Variants in CPPED1 observed in about 807,000 individuals in gnomAD.
The protein encoded by CPPED1 is calcineurin like phosphoesterase domain containing 1.
A neutral mutation model predicts 28.0 loss-of-function variants in CPPED1; 28 were observed. The ratio of observed to expected loss-of-function variants is 1.00; its 90% CI spans 0.74 to 1.37. CPPED1 has a LOEUF of 1.37. Among genes scored for constraint, CPPED1 ranks in the 40% most tolerant of loss-of-function variants. The pLI, the probability that CPPED1 is intolerant of heterozygous loss-of-function variation, is 0.00. For missense variants in CPPED1, 504 were observed against 416.5 expected (o/e 1.21, Z -1.83); for synonymous variants, 198 against 180.2 (o/e 1.10, Z -0.79).
intron 3 of CPPED1, among the ~76,000 whole-genome samples, chr16:12,699,515 C>A (rs1201817666): frequency 1.3e-5 from 2 of 152,098 alleles, no homozygotes; most frequent in Non-Finnish European, 2.9e-5. Context: ...ATTAATGCAA[C>A]AATGAGAGAT....
At chr16:12,750,575 A>G (rs548361895) in intron 2 of CPPED1, among the ~76,000 whole-genome samples, 79 of 152,344 alleles carry the variant, frequency 5.2e-4, no homozygotes, top group Non-Finnish European at 9.7e-4. Flanking sequence ...CACACCATCA[A>G]AGATCACCGA....
At chr16:12,690,849 G>C (rs953279970) in intron 3 of CPPED1, among the ~76,000 whole-genome samples, 2 of 152,136 alleles carry the variant, frequency 1.3e-5, no homozygotes, top group African/African-American at 4.8e-5. Context: ...ACCCTCACTT[G>C]GCAGATCCCT....
chr16:12,669,890 G>A (rs1460756478), intron 3 of CPPED1, among the ~76,000 whole-genome samples: 3 of 152,194 alleles, frequency 2.0e-5, no homozygotes, highest in East Asian at 3.9e-4. Context: ...ACCCTGCAAC[G>A]ATGGGGTATG....
At chr16:12,772,677 C>T (rs768619831) in intron 2 of CPPED1, among the ~76,000 whole-genome samples, 15 of 152,256 alleles carry the variant, frequency 9.9e-5, no homozygotes, top group African/African-American at 1.7e-4. Flanking sequence ...AATGGATGTG[C>T]GAAAGTTAAC....
At chr16:12,782,164 T>C (rs2080535672) in intron 1 of CPPED1, among the ~76,000 whole-genome samples, 1 of 152,106 alleles carries the variant, frequency 6.6e-6, no homozygotes, top group Non-Finnish European at 1.5e-5. Context: ...TTAGGGTTTC[T>C]ACTCTTATCT....
chr16:12,803,357 G>C (rs968930466), intron 1 of CPPED1, among the ~76,000 whole-genome samples: 2 of 152,226 alleles, frequency 1.3e-5, no homozygotes, highest in South Asian at 4.1e-4. Flanking sequence ...TTTCACAGAT[G>C]TGGAAGCTGA....
intron 2 of CPPED1, among the ~76,000 whole-genome samples, chr16:12,742,875 C>T (rs1297156435): frequency 6.6e-6 from 1 of 152,160 alleles, no homozygotes; most frequent in African/African-American, 2.4e-5. Flanking sequence ...AGCAAAGGGA[C>T]TGGAGGCGTG....
chr16:12,678,159 A>T (rs1011008394), intron 3 of CPPED1, among the ~76,000 whole-genome samples: 17 of 152,248 alleles, frequency 1.1e-4, no homozygotes, highest in Admixed American at 9.2e-4. Context: ...GTGACAACAA[A>T]GGAAAGAGTA....
intron 2 of CPPED1, among the ~76,000 whole-genome samples, chr16:12,769,403 G>T (rs543818715): frequency 6.6e-6 from 1 of 152,168 alleles, no homozygotes; most frequent in East Asian, 1.9e-4. Flanking sequence ...GGAATCCGAG[G>T]CACAAAATGG....
chr16:12,723,762 C>G (rs1161781802), intron 2 of CPPED1, among the ~76,000 whole-genome samples: 1 of 152,186 alleles, frequency 6.6e-6, no homozygotes, highest in African/African-American at 2.4e-5. Flanking sequence ...TCCTGATGCT[C>G]TGGGAGAAGG....
chr16:12,733,116 C>T (rs928379460), intron 2 of CPPED1, among the ~76,000 whole-genome samples: 1 of 152,144 alleles, frequency 6.6e-6, no homozygotes, highest in Admixed American at 6.5e-5. Flanking sequence ...AATTAGCACT[C>T]TTCAAAAACT....
chr16:12,794,521 C>G (rs1189132614), intron 1 of CPPED1, among the ~76,000 whole-genome samples: 1 of 141,606 alleles, frequency 7.1e-6, no homozygotes, highest in Non-Finnish European at 1.5e-5. Context: ...ATGACTTGTC[C>G]TAAGTACAGG....
intron 2 of CPPED1, among the ~76,000 whole-genome samples, chr16:12,740,652 T>C (rs113232809): frequency 0.011 from 1,682 of 152,222 alleles, 28 homozygotes; most frequent in African/African-American, 0.039. Context: ...CCCACTCCTT[T>C]ATATAGCAGG....
chr16:12,696,514 C>A (rs2079991570), intron 3 of CPPED1, among the ~76,000 whole-genome samples: 1 of 149,068 alleles, frequency 6.7e-6, no homozygotes, highest in African/African-American at 2.5e-5. Flanking sequence ...GATCTCGGCT[C>A]ACTGCAACCT....
Position 12,664,256 on chromosome 16 carries a change from A to T in CPPED1, c.*630T>A. On this transcript the variant is annotated 3_prime_UTR_variant, in exon 4 of 4. Coordinates refer to ENST00000381774, the MANE Select transcript of CPPED1 (RefSeq NM_018340.3). The surrounding 1 kb of genome is among the most constrained non-coding windows in gnomAD (Gnocchi z 4.2). The stretch of plus-strand genomic sequence containing the variant: ...GCAAAGGTGACTTTTCTAGGCACCC[A>T]GGAAGGCAAATTTAAGCTCCGAGCT... The T allele has an allele frequency of 1.5e-6, 1 of 648,776 alleles. No homozygotes were observed. Among genetic ancestry groups the T allele is most frequent in the Non-Finnish European group, 1.9e-6 (1 of 522,012 alleles). 40.2% of individuals were successfully genotyped at this position (648,776 alleles called of 1,614,324 possible).
intron 3 of CPPED1, among the ~76,000 whole-genome samples, chr16:12,669,546 T>A (rs1354150672): frequency 2.0e-5 from 3 of 152,236 alleles, no homozygotes; most frequent in African/African-American, 7.2e-5. Flanking sequence ...ATGATCCATA[T>A]CACAACAACG....
At chr16:12,781,760 C>A (rs188611414) in intron 1 of CPPED1, among the ~76,000 whole-genome samples, 141 of 152,226 alleles carry the variant, frequency 9.3e-4, no homozygotes, top group South Asian at 1.7e-3. Context: ...GAATAAAACT[C>A]CCCAAATTGA....
intron 2 of CPPED1, among the ~76,000 whole-genome samples, chr16:12,723,389 AC>A (rs1319824593): frequency 7.9e-5 from 12 of 152,208 alleles, no homozygotes; most frequent in African/African-American, 2.7e-4. Flanking sequence ...GCAACTGGAC[AC>A]GGGGTCTCCA....
chr16:12,697,139 C>A (rs970672061), intron 3 of CPPED1, among the ~76,000 whole-genome samples: 4 of 152,106 alleles, frequency 2.6e-5, no homozygotes, highest in African/African-American at 7.2e-5. Flanking sequence ...AATGTCCTGC[C>A]TTAGCCTCCC....
Sources: gnomAD v4.1 joint callset for allele counts (sites outside exome capture counted in the v4.1 genomes callset) on GRCh38, gnomAD v4.1.1 for gene constraint, Gnocchi (gnomAD v3.1) non-coding constraint, MANE v1.5 for transcripts, NCBI Gene and HGNC (gene_info 2026-07-23, HGNC 2026-07-21) for gene names.